PRPF39: variants seen among roughly 807,000 people sequenced by gnomAD.
PRPF39 encodes pre-mRNA processing factor 39.
PRPF39 carries 27 observed loss-of-function variants against 82.1 expected under a neutral mutation model. The observed-to-expected ratio is 0.33, with a 90% CI of 0.24 to 0.45. PRPF39 has a LOEUF of 0.45. PRPF39 is among the 20% of genes least tolerant of loss of function. The pLI is 1.00. For missense variants in PRPF39, 581 were observed against 796.9 expected (o/e 0.73, Z 3.26); for synonymous variants, 261 against 256.4 (o/e 1.02, Z -0.17).
chr14:45,101,461 T>A (rs1884370119), intron 4 of PRPF39, among the ~76,000 whole-genome samples: 1 of 120,540 alleles, frequency 8.3e-6, no homozygotes, highest in South Asian at 2.7e-4. Context: ...TGTAACAAAC[T>A]TTTTTTTTTT....
chr14:45,110,329 T>C lies in PRPF39; in HGVS notation c.1303+109T>C. ...TGTAAAGCAGAGTTTGGCAAACTTT[T>C]TCTCTAAAGGGCCAGATAGTAAAAG... On this transcript the variant is annotated intron_variant, in intron 9 of 13. Coordinates refer to ENST00000355765, the MANE Select transcript of PRPF39 (RefSeq NM_017922.4). This position sits in a 1 kb window ranked among gnomAD's most constrained non-coding sequence, Gnocchi z 4.0. The C allele has an allele frequency of 6.9e-7, 1 of 1,441,014 alleles. No individual in the cohort carries two copies. The highest frequency in any genetic ancestry group is 1.4e-5 in the African/African-American group (1 of 70,128). 89.3% of individuals were successfully genotyped at this position (1,441,014 alleles called of 1,614,324 possible).
chr14:45,096,800 T>C (rs748298515), intron 3 of PRPF39, 87 bp from the exon 4 acceptor site: 1 of 1,543,032 alleles, frequency 6.5e-7, no homozygotes, highest in Non-Finnish European at 8.8e-7. Flanking sequence ...TAATTAGTAT[T>C]TCTAAGGTTC....
At chr14:45,108,603 C>CT in intron 7 of PRPF39, 81 bp downstream of exon 7, 4 of 1,469,114 alleles carry the variant, frequency 2.7e-6, no homozygotes, top group Non-Finnish European at 3.6e-6. Flanking sequence ...ATAGTACTAT[C>CT]TCTGTTGTAA....
chr14:45,110,288 G>A lies in PRPF39; in HGVS notation c.1303+68G>A. On this transcript the variant is annotated intron_variant, in intron 9 of 13. Coordinates refer to ENST00000355765, the MANE Select transcript of PRPF39 (RefSeq NM_017922.4). The surrounding 1 kb of genome is among the most constrained non-coding windows in gnomAD (Gnocchi z 4.0). The stretch of plus-strand genomic sequence containing the variant: ...TTATTTCAGGAAACAGTGACAAATT[G>A]AGTGGTAAGGGATGGTGTAAAGCAG... 6.3e-7 allele frequency: 1 copy of A among 1,583,010 alleles called. No individual in the cohort carries two copies. Among genetic ancestry groups the A allele is most frequent in the Non-Finnish European group, 8.6e-7 (1 of 1,158,342 alleles).
At chr14:45,107,404 T>C in intron 5 of PRPF39, 47 bp from the exon 6 acceptor site, 6 of 1,374,406 alleles carry the variant, frequency 4.4e-6, no homozygotes, top group Non-Finnish European at 5.0e-6. Flanking sequence ...CAATATGAGA[T>C]CTAAAATTAT....
chr14:45,086,814 A>G (rs1883842293), intron 1 of PRPF39, among the ~76,000 whole-genome samples: 1 of 145,200 alleles, frequency 6.9e-6, no homozygotes, highest in Non-Finnish European at 1.5e-5. Flanking sequence ...TTCGAGTAAT[A>G]TTAGTTTGCA....
chr14:45,110,012 A>C lies in PRPF39; in HGVS notation c.1177-82A>C. 1 of 1,597,294 alleles carries C rather than the reference A, an allele frequency of 6.3e-7. No individual in the cohort carries two copies. The highest frequency in any genetic ancestry group is 2.2e-5 in the East Asian group (1 of 44,700). On this transcript the variant is annotated intron_variant, in intron 8 of 13. Transcript: ENST00000355765. The surrounding 1 kb of genome is among the most constrained non-coding windows in gnomAD (Gnocchi z 4.0). ...AATAAAGGTGCTGAATGGGTTTAAA[A>C]ATAGAATTTTATCGTTCTGTCACAA... is the stretch of plus-strand genomic sequence containing the variant.
Position 45,110,766 on chromosome 14 carries a change from A to G in PRPF39, c.1521A>G (p.Lys507=), listed in dbSNP as rs1035779629. ...CCCGGCATCTTTTCAAAATACAGAA[A>G]AACCTTCCAAAATCAAGAAAGGTGC... is the stretch of plus-strand genomic sequence containing the variant. ...KLARHLFKIQ[K]NLPKSRKVLL... is the part of the protein sequence containing the mutation. Residue 507 remains lysine (K), a synonymous_variant, in exon 10 of 14, where the codon AAA becomes AAG. Transcript: ENST00000355765. This position sits in a 1 kb window ranked among gnomAD's most constrained non-coding sequence, Gnocchi z 4.0. 1 of 1,554,350 alleles carries G rather than the reference A, an allele frequency of 6.4e-7. No homozygotes were observed. Among genetic ancestry groups the G allele is most frequent in the South Asian group, 1.2e-5 (1 of 84,208 alleles).
At chr14:45,104,096 C>T (rs1292215502) in intron 5 of PRPF39, among the ~76,000 whole-genome samples, 2 of 152,152 alleles carry the variant, frequency 1.3e-5, no homozygotes, top group East Asian at 3.8e-4. Flanking sequence ...TTGGAAGCTA[C>T]TTGGAACTTA....
In PRPF39 at chr14:45,110,357, A is replaced by G; in HGVS notation, c.1303+137A>G. On this transcript the variant is annotated intron_variant, in intron 9 of 13. Transcript: ENST00000355765. This position sits in a 1 kb window ranked among gnomAD's most constrained non-coding sequence, Gnocchi z 4.0. Reference sequence around the variant, plus strand: ...TCTAAAGGGCCAGATAGTAAAAGCCACGTGTTCTGACTTTCAGGCTTTGTA... The same window carrying G: ...TCTAAAGGGCCAGATAGTAAAAGCCGCGTGTTCTGACTTTCAGGCTTTGTA... The G allele has an allele frequency of 1.5e-6, 2 of 1,325,464 alleles. No homozygotes were observed. Among genetic ancestry groups the G allele is most frequent in the Non-Finnish European group, 1.0e-6 (1 of 979,734 alleles). The allele number at this position is 1,325,464 out of a possible 1,614,324, so 82.1% of individuals were successfully genotyped here. A position where few individuals can be genotyped will look rare whatever the true frequency, so the allele number is the denominator to read the frequency against.
intron 4 of PRPF39, 84 bp downstream of exon 4, chr14:45,097,089 C>G (rs918761363): frequency 1.4e-6 from 2 of 1,420,828 alleles, no homozygotes; most frequent in African/African-American, 2.9e-5. Flanking sequence ...GAAAGCTAAG[C>G]TGGAAGTTTA....
chr14:45,105,578 T>C (rs1218731343), intron 5 of PRPF39, among the ~76,000 whole-genome samples: 1 of 150,796 alleles, frequency 6.6e-6, no homozygotes, highest in Non-Finnish European at 1.5e-5. Context: ...CCAGGCTGGA[T>C]TGCAGTGGTG....
intron 6 of PRPF39, among the ~76,000 whole-genome samples, chr14:45,107,909 AAAGAGC>A (rs1200152052): frequency 6.6e-6 from 1 of 151,888 alleles, no homozygotes; most frequent in African/African-American, 2.4e-5. Flanking sequence ...AGCCTGGGCC[AAAGAGC>A]AAGACTCCAT....
At chr14:45,107,371 A>G (rs1329803941) in intron 5 of PRPF39, 80 bp from the exon 6 acceptor site, 1 of 1,044,306 alleles carries the variant, frequency 9.6e-7, no homozygotes, top group African/African-American at 1.6e-5. Context: ...ATCCTTTGAA[A>G]GAGTAGTATA....
chr14:45,109,518 C>A (rs978335436), intron 7 of PRPF39, 98 bp from the exon 8 acceptor site: 26 of 954,000 alleles, frequency 2.7e-5, no homozygotes, highest in African/African-American at 2.6e-4. Context: ...AAATTTTAAT[C>A]ATCAATTATA....
chr14:45,086,093 G>A (rs1171019169), intron 1 of PRPF39, among the ~76,000 whole-genome samples: 2 of 152,014 alleles, frequency 1.3e-5, no homozygotes, highest in Non-Finnish European at 2.9e-5. Flanking sequence ...ACAGATGCGC[G>A]CCACCACGCC....
chr14:45,094,879 C>T (rs111858373), intron 1 of PRPF39, among the ~76,000 whole-genome samples: 287 of 152,108 alleles, frequency 1.9e-3, no homozygotes, highest in Non-Finnish European at 3.4e-3. Context: ...ATTCAGGCAC[C>T]GAATCAGATT....
chr14:45,096,802 C>G (rs1884214053), intron 3 of PRPF39, 85 bp from the exon 4 acceptor site: 1 of 1,542,844 alleles, frequency 6.5e-7, no homozygotes, highest in African/African-American at 1.4e-5. Context: ...ATTAGTATTT[C>G]TAAGGTTCAC....
At chr14:45,111,143 A>G (rs1884684574) in intron 10 of PRPF39, among the ~76,000 whole-genome samples, 1 of 152,252 alleles carries the variant, frequency 6.6e-6, no homozygotes. Flanking sequence ...AAACAAAAGC[A>G]TAGGCGTTGC....
Sources: gnomAD v4.1 joint callset for allele counts (sites outside exome capture counted in the v4.1 genomes callset) on GRCh38, gnomAD v4.1.1 for gene constraint, Gnocchi (gnomAD v3.1) non-coding constraint, MANE v1.5 for transcripts, NCBI Gene and HGNC (gene_info 2026-07-23, HGNC 2026-07-21) for gene names.